The following PIEZO2 variants were observed in gnomAD, a reference collection of about 807,000 sequenced individuals.
The protein encoded by PIEZO2 is piezo-type mechanosensitive ion channel component 2.
Under a neutral mutation model 337.3 loss-of-function variants are expected in PIEZO2, and 172 were observed. The ratio of observed to expected loss-of-function variants is 0.51; its 90% confidence interval spans 0.45 to 0.58. The LOEUF (loss-of-function observed/expected upper bound fraction) is 0.58, where lower values mean the gene tolerates loss of function less well. Among genes scored for constraint, PIEZO2 ranks in the 20% least tolerant of loss-of-function variants. PIEZO2 has a pLI of 0.00. For missense variants in PIEZO2, 3,028 were observed against 3,391.3 expected (o/e 0.89, Z 2.66); for synonymous variants, 1,251 against 1,228.5 (o/e 1.02, Z -0.38).
chr18:10,893,450 CTT>C (rs34505039), intron 4 of PIEZO2, among the ~76,000 whole-genome samples: 6,878 of 152,230 alleles, frequency 0.045, 236 homozygotes, highest in Middle Eastern at 0.11. Flanking sequence ...ATTGACCCCT[CTT>C]TAATTCATCA....
At chr18:10,991,283 A>G (rs530862882) in intron 2 of PIEZO2, among the ~76,000 whole-genome samples, 2 of 151,206 alleles carry the variant, frequency 1.3e-5, no homozygotes, top group Non-Finnish European at 2.9e-5. Flanking sequence ...CAGAATGTGC[A>G]GTTTTGTTAC....
chr18:10,686,701 G>A (rs758788411), intron 49 of PIEZO2, among the ~76,000 whole-genome samples: 16 of 152,302 alleles, frequency 1.1e-4, no homozygotes, highest in Non-Finnish European at 1.5e-4. Flanking sequence ...CACAGTGAAA[G>A]ATGGGGTCTA....
chr18:10,714,233 C>T (rs543434446), intron 39 of PIEZO2, among the ~76,000 whole-genome samples: 1 of 152,176 alleles, frequency 6.6e-6, no homozygotes, highest in East Asian at 1.9e-4. Flanking sequence ...CCCTGGCGAA[C>T]CCATTAGTAC....
rs2041602104 is a variant in PIEZO2, at chr18:10,853,065, G to A, written c.917+2288C>T. On this transcript the variant is annotated intron_variant, in intron 7 of 55. Coordinates refer to ENST00000674853, the MANE Select transcript of PIEZO2 (RefSeq NM_001378183.1). This position sits in a 1 kb window ranked among gnomAD's most constrained non-coding sequence, Gnocchi z 4.2. ...CATGTGCAGTAAGAGGTAAAATGGC[G>A]GAGTTTAACTGGTACATGACCTTGT... is the stretch of plus-strand genomic sequence containing the variant. 6.6e-6 allele frequency among the ~76,000 whole-genome samples: 1 copy of A among 152,200 alleles called. No homozygotes were observed. Among genetic ancestry groups the A allele is most frequent in the Admixed American group, 6.5e-5 (1 of 15,286 alleles).
intron 8 of PIEZO2, among the ~76,000 whole-genome samples, chr18:10,805,403 C>T (rs2039969180): frequency 6.6e-6 from 1 of 152,132 alleles, no homozygotes; most frequent in Non-Finnish European, 1.5e-5. Flanking sequence ...GTAATCCCAG[C>T]TACTCAGGAG....
Position 10,726,929 on chromosome 18 carries a change from T to C in PIEZO2, c.5029+4478A>G. ...GATGTGGCGGAGCTGGGTCGCCTGC[T>C]GCCCGACTGATGTAGGTTGAGGGCT... On this transcript the variant is annotated intron_variant, in intron 36 of 55. Coordinates refer to ENST00000674853, the MANE Select transcript of PIEZO2 (RefSeq NM_001378183.1). The surrounding 1 kb of genome is among the most constrained non-coding windows in gnomAD (Gnocchi z 5.9). The C allele has an allele frequency of 3.9e-6, 6 of 1,544,374 alleles. No homozygotes were observed. The highest frequency in any genetic ancestry group is 5.3e-6 in the Non-Finnish European group (6 of 1,138,564).
At chr18:10,770,568 A>C (rs1292059133) in intron 20 of PIEZO2, among the ~76,000 whole-genome samples, 1 of 63,598 alleles carries the variant, frequency 1.6e-5, no homozygotes, top group Non-Finnish European at 3.4e-5. Flanking sequence ...GGATTTTGAC[A>C]TTATCTTCCT....
At chr18:10,684,461 G>A (rs1443592082) in intron 49 of PIEZO2, among the ~76,000 whole-genome samples, 3 of 48,950 alleles carry the variant, frequency 6.1e-5, no homozygotes, top group African/African-American at 2.2e-4. Context: ...CACTGCGCCC[G>A]GCCTGTTTTT....
intron 1 of PIEZO2, among the ~76,000 whole-genome samples, chr18:11,139,280 T>C (rs1186219203): frequency 6.6e-6 from 1 of 152,204 alleles, no homozygotes; most frequent in Non-Finnish European, 1.5e-5. Context: ...TCAAATAATC[T>C]GGCGTTAGAC....
In PIEZO2 at chr18:10,880,846, C is replaced by CATAT. The variant is rs56271617; in HGVS notation, c.330-9435_330-9432dup. Among the ~76,000 whole-genome samples, 183 of 67,944 alleles carry CATAT rather than the reference C, an allele frequency of 2.7e-3. 1 individual carries two copies. The highest frequency in any genetic ancestry group is 2.9e-3 in the Non-Finnish European group (103 of 35,140). 44.6% of individuals were successfully genotyped at this position (67,944 alleles called of 152,430 possible). On this transcript the variant is annotated intron_variant, in intron 4 of 55. Coordinates refer to ENST00000674853, the MANE Select transcript of PIEZO2 (RefSeq NM_001378183.1). The stretch of plus-strand genomic sequence containing the variant: ...TCCATTTCAACTGCTTCCCACATAT[C>CATAT]ATATATATATATATATATATATATA...
At chr18:10,924,625 T>C (rs1448060584) in intron 3 of PIEZO2, among the ~76,000 whole-genome samples, 1 of 152,162 alleles carries the variant, frequency 6.6e-6, no homozygotes, top group Admixed American at 6.5e-5. Flanking sequence ...TAAGAAACAA[T>C]TGCATTTTTG....
At chr18:10,955,481 C>T (rs2033477294) in intron 3 of PIEZO2, among the ~76,000 whole-genome samples, 3 of 152,142 alleles carry the variant, frequency 2.0e-5, no homozygotes. Flanking sequence ...TAGTGTTTTG[C>T]TTCAATCTGC....
At chr18:10,802,770 G>A (rs554094547) in intron 9 of PIEZO2, among the ~76,000 whole-genome samples, 2 of 152,076 alleles carry the variant, frequency 1.3e-5, no homozygotes, top group Non-Finnish European at 2.9e-5. Context: ...AGGAGTTCAA[G>A]ACCAGCCAGG....
Position 11,048,191 on chromosome 18 carries a change from C to T in PIEZO2, c.160+17936G>A, listed in dbSNP as rs2037389329. On this transcript the variant is annotated intron_variant, in intron 2 of 55. Transcript: ENST00000674853. This position sits in a 1 kb window ranked among gnomAD's most constrained non-coding sequence, Gnocchi z 4.5. ...GACTTTCCCCAATACCCCTTAAGGG[C>T]ACAAAATACTGGCAAGCAAAAATGC... Among the ~76,000 whole-genome samples, 2 of 152,144 alleles carry T rather than the reference C, an allele frequency of 1.3e-5. No individual in the cohort carries two copies. The highest frequency in any genetic ancestry group is 4.1e-4 in the South Asian group (2 of 4,828).
intron 43 of PIEZO2, among the ~76,000 whole-genome samples, chr18:10,701,594 A>T (rs889557461): frequency 3.9e-5 from 6 of 152,256 alleles, no homozygotes; most frequent in Admixed American, 3.9e-4. Context: ...TGATCCACAC[A>T]CATTGTGGCT....
chr18:10,951,149 A>G (rs1051049403), intron 3 of PIEZO2, among the ~76,000 whole-genome samples: 1 of 152,220 alleles, frequency 6.6e-6, no homozygotes, highest in African/African-American at 2.4e-5. Context: ...CTGCAATTCT[A>G]TGACTAATTT....
chr18:10,805,502 G>T (rs1382904424), intron 8 of PIEZO2, among the ~76,000 whole-genome samples: 1 of 152,130 alleles, frequency 6.6e-6, no homozygotes, highest in East Asian at 1.9e-4. Flanking sequence ...GGCAACAAGA[G>T]TGAAACTCCA....
chr18:10,759,680 C>T lies in PIEZO2; in HGVS notation c.3655+25G>A, dbSNP rs1002731322. 43 of 1,536,636 alleles carry T rather than the reference C, an allele frequency of 2.8e-5. No individual in the cohort carries two copies. The highest frequency in any genetic ancestry group is 1.4e-4 in the African/African-American group (10 of 73,020). On this transcript the variant is annotated intron_variant, in intron 25 of 55. Coordinates refer to ENST00000674853, the MANE Select transcript of PIEZO2 (RefSeq NM_001378183.1). This position sits in a 1 kb window ranked among gnomAD's most constrained non-coding sequence, Gnocchi z 5.5. ...AGTAATGGCTTCTTCTAAAAGTAGA[C>T]GGCTCAAGGGAAGGGCAGGCTCACC...
Position 10,773,703 on chromosome 18 carries a change from G to T in PIEZO2, c.2568-74C>A. The T allele has an allele frequency of 7.3e-7, 1 of 1,370,812 alleles. No individual in the cohort carries two copies. The highest frequency in any genetic ancestry group is 1.0e-6 in the Non-Finnish European group (1 of 998,676). The allele number at this position is 1,370,812 out of a possible 1,614,324, so 84.9% of individuals were successfully genotyped here. On this transcript the variant is annotated intron_variant, in intron 19 of 55. Transcript: ENST00000674853. This position sits in a 1 kb window ranked among gnomAD's most constrained non-coding sequence, Gnocchi z 5.3. ...GATTTGACTGAGGGGCAAGTAAAAG[G>T]AGGATAAACACAAATGAAATCAGTG...
Sources: allele counts gnomAD v4.1 joint callset (sites outside exome capture counted in the v4.1 genomes callset), GRCh38; gene constraint gnomAD v4.1.1; non-coding constraint Gnocchi (gnomAD v3.1); transcripts MANE v1.5; gene names NCBI Gene and HGNC (gene_info 2026-07-23, HGNC 2026-07-21).